The following TCF3 variants were observed in gnomAD, a reference collection of about 807,000 sequenced individuals.
TCF3 encodes transcription factor E2-alpha.
Under a neutral mutation model 72.3 loss-of-function variants are expected in TCF3, and 54 were observed. The observed-to-expected ratio is 0.75, with a 90% CI of 0.60 to 0.94. TCF3 has a LOEUF of 0.94. Ranked by LOEUF, TCF3 falls within the 40% of genes least tolerant of loss-of-function variation. TCF3 has a pLI of 0.00. For synonymous variants in TCF3, 525 were observed against 412.6 expected (o/e 1.27, Z -3.30); for missense variants, 1,078 against 934.4 (o/e 1.15, Z -2.00).
chr19:1,629,340 T>G (rs2063406829), intron 5 of TCF3, among the ~76,000 whole-genome samples: 1 of 151,030 alleles, frequency 6.6e-6, no homozygotes, highest in East Asian at 1.9e-4. Context: ...TCCCCCAAAG[T>G]GCCCAGCATT....
At chr19:1,640,465 A>T (rs923081215) in intron 3 of TCF3, among the ~76,000 whole-genome samples, 2 of 152,204 alleles carry the variant, frequency 1.3e-5, no homozygotes, top group African/African-American at 4.8e-5. Context: ...CTATTTCGCT[A>T]ACCTGTTAGA....
intron 14 of TCF3, 93 bp from the exon 15 acceptor site, chr19:1,619,567 T>G (rs2061926223): frequency 2.7e-6 from 4 of 1,463,444 alleles, no homozygotes; most frequent in Admixed American, 4.6e-5. Context: ...TGGCCGGTGG[T>G]CCCATCTTCC....
chr19:1,641,491 C>A (rs911151167), intron 3 of TCF3, among the ~76,000 whole-genome samples: 1 of 152,152 alleles, frequency 6.6e-6, no homozygotes, highest in East Asian at 1.9e-4. Context: ...CTCCCTCTGT[C>A]CCCGAGGCCA....
At chr19:1,629,252 G>C (rs189964914) in intron 5 of TCF3, among the ~76,000 whole-genome samples, 1 of 152,038 alleles carries the variant, frequency 6.6e-6, no homozygotes, top group Non-Finnish European at 1.5e-5. Context: ...GCATTTGTCT[G>C]TCCCAGGGGA....
Position 1,610,673 on chromosome 19 carries a change from T to C in TCF3, c.*1034A>G, listed in dbSNP as rs113714582. On this transcript the variant is annotated 3_prime_UTR_variant, in exon 19 of 19. Coordinates refer to ENST00000262965, the MANE Select transcript of TCF3 (RefSeq NM_003200.5). Reference sequence around the variant, plus strand: ...GGCCTGGGGAGGGCGTTGTGTAGGGTAGCCCTGGGGGCCACAGCTGCTTGG... The same window carrying C: ...GGCCTGGGGAGGGCGTTGTGTAGGGCAGCCCTGGGGGCCACAGCTGCTTGG... The C allele has an allele frequency of 4.8e-5, 11 of 229,538 alleles. No individual in the cohort carries two copies. Among genetic ancestry groups the C allele is most frequent in the African/African-American group, 1.1e-4 (5 of 44,898 alleles). 14.2% of individuals were successfully genotyped at this position (229,538 alleles called of 1,614,324 possible).
At chr19:1,618,466 C>G (rs912417764) in intron 16 of TCF3, among the ~76,000 whole-genome samples, 2 of 152,140 alleles carry the variant, frequency 1.3e-5, no homozygotes, top group African/African-American at 2.4e-5. Context: ...CCAAGTCCTC[C>G]CCGCAGCCCA....
At chr19:1,612,454 C>T in intron 18 of TCF3, 1 of 1,589,512 alleles carries the variant, frequency 6.3e-7, no homozygotes. Context: ...GCACCGAGGC[C>T]TCTGTTAGTG....
At chr19:1,637,535 C>T (rs1256425692) in intron 3 of TCF3, among the ~76,000 whole-genome samples, 1 of 152,228 alleles carries the variant, frequency 6.6e-6, no homozygotes, top group Non-Finnish European at 1.5e-5. Flanking sequence ...CCCCATCCCG[C>T]TCTTGCTTCC....
In TCF3 at chr19:1,646,437, G is replaced by C. The variant is rs768985668; in HGVS notation, c.73-10C>G. ...CAGGCAGCGGGAACATCTGCAGGGAGGGGAGGGGAGACGTGAGCGGGGCGG... is the reference window on the plus strand; with the variant it reads ...CAGGCAGCGGGAACATCTGCAGGGACGGGAGGGGAGACGTGAGCGGGGCGG... On this transcript the variant is annotated splice_polypyrimidine_tract_variant and intron_variant, in intron 2 of 18. Coordinates refer to ENST00000262965, the MANE Select transcript of TCF3 (RefSeq NM_003200.5). The C allele has an allele frequency of 3.9e-6, 6 of 1,549,272 alleles. No individual in the cohort carries two copies. In the African/African-American group the frequency reaches 6.8e-5, roughly 18 times the overall value.
chr19:1,617,407 A>G (rs549252416), intron 16 of TCF3, among the ~76,000 whole-genome samples: 67 of 152,386 alleles, frequency 4.4e-4, no homozygotes, highest in African/African-American at 1.5e-3. Context: ...CGCCGTGTTC[A>G]TGAAGCTCAA....
At chr19:1,644,029 C>T (rs1186085320) in intron 3 of TCF3, among the ~76,000 whole-genome samples, 3 of 152,158 alleles carry the variant, frequency 2.0e-5, no homozygotes, top group Admixed American at 6.5e-5. Flanking sequence ...AGGAAGAAGC[C>T]GAGGTTTGGG....
At chr19:1,639,138 G>A (rs1476027161) in intron 3 of TCF3, among the ~76,000 whole-genome samples, 1 of 152,228 alleles carries the variant, frequency 6.6e-6, no homozygotes, top group Non-Finnish European at 1.5e-5. Context: ...CTGCCTCCCA[G>A]GTTCAAGTGA....
chr19:1,610,856 G>A lies in TCF3; in HGVS notation c.*851C>T, dbSNP rs886568403. 4.9e-5 allele frequency: 7 copies of A among 144,042 alleles called. No individual in the cohort carries two copies. The highest frequency in any genetic ancestry group is 1.6e-4 in the East Asian group (1 of 6,298). 8.9% of individuals were successfully genotyped at this position (144,042 alleles called of 1,614,324 possible). On this transcript the variant is annotated 3_prime_UTR_variant, in exon 19 of 19. Transcript: ENST00000262965. Reference sequence around the variant, plus strand: ...CACTTTCCACATGACAAAACCAAGAGAACCCCCAACATCAAAAAAACAAAA... The same window carrying A: ...CACTTTCCACATGACAAAACCAAGAAAACCCCCAACATCAAAAAAACAAAA...
chr19:1,643,177 C>G (rs2065588001), intron 3 of TCF3, among the ~76,000 whole-genome samples: 1 of 152,162 alleles, frequency 6.6e-6, no homozygotes, highest in Non-Finnish European at 1.5e-5. Flanking sequence ...ATCCAGACAA[C>G]CAGAAAATCT....
At chr19:1,613,307 G>A (rs779880732) in intron 18 of TCF3, among the ~76,000 whole-genome samples, 4 of 152,168 alleles carry the variant, frequency 2.6e-5, no homozygotes, top group Non-Finnish European at 5.9e-5. Flanking sequence ...CTCTAGGGGA[G>A]GCTGTGGATG....
chr19:1,648,859 G>T (rs1053671144), intron 2 of TCF3, among the ~76,000 whole-genome samples: 1 of 151,622 alleles, frequency 6.6e-6, no homozygotes, highest in South Asian at 2.1e-4. Flanking sequence ...TCTGTAGACA[G>T]GCCAGAAGAA....
At chr19:1,613,693 A>G (rs1278701065) in intron 18 of TCF3, among the ~76,000 whole-genome samples, 3 of 152,122 alleles carry the variant, frequency 2.0e-5, no homozygotes, top group African/African-American at 7.2e-5. Context: ...ACATGGAGCA[A>G]ACCAGCTCCC....
At position 1,620,984 on chromosome 19, in the gene TCF3, G is replaced by C. The variant is rs1255913910; in HGVS notation, c.1077C>G (p.Ser359=). ...CTCACAGACCTGCCAGGCCCTGGGG[G>C]GAGCCCACGGGGGTAGAAGGGCTGG... ...FSSSPSTPVG[S]PQGLAGTSQW... Residue 359 remains serine (S), a synonymous_variant, in exon 13 of 19, where the codon TCC becomes TCG. Coordinates refer to ENST00000262965, the MANE Select transcript of TCF3 (RefSeq NM_003200.5). The C allele has an allele frequency of 2.0e-6, 3 of 1,512,476 alleles. No individual in the cohort carries two copies. The highest frequency in any genetic ancestry group is 2.7e-6 in the Non-Finnish European group (3 of 1,131,946). 93.7% of individuals were successfully genotyped at this position (1,512,476 alleles called of 1,614,324 possible). A position where few individuals can be genotyped will look rare whatever the true frequency, so the allele number is the denominator to read the frequency against.
intron 3 of TCF3, among the ~76,000 whole-genome samples, chr19:1,636,013 G>A (rs1195700278): frequency 3.3e-5 from 5 of 152,198 alleles, no homozygotes; most frequent in Non-Finnish European, 7.3e-5. Flanking sequence ...ATGGCAGCCT[G>A]TCCCACCGCC....
Sources: allele counts gnomAD v4.1 joint callset (sites outside exome capture counted in the v4.1 genomes callset), GRCh38; gene constraint gnomAD v4.1.1; transcripts MANE v1.5; gene names NCBI Gene and HGNC (gene_info 2026-07-23, HGNC 2026-07-21).